CPNE5: variants seen among roughly 807,000 people sequenced by gnomAD.
CPNE5 encodes copine 5.
Under a neutral mutation model 81.1 loss-of-function variants are expected in CPNE5, and 42 were observed. The ratio of observed to expected loss-of-function variants is 0.52; its 90% CI spans 0.40 to 0.67. The LOEUF is 0.67. CPNE5 is among the 30% of genes least tolerant of loss of function. The pLI, the probability that CPNE5 is intolerant of heterozygous loss-of-function variation, is 0.00. For missense variants in CPNE5, 612 were observed against 815.5 expected (o/e 0.75, Z 3.04); for synonymous variants, 313 against 321.5 (o/e 0.97, Z 0.28).
chr6:36,744,739 T>TG (rs937654893), intron 18 of CPNE5, among the ~76,000 whole-genome samples: 10 of 152,236 alleles, frequency 6.6e-5, no homozygotes, highest in African/African-American at 2.4e-4. Flanking sequence ...AGGGAGTCAT[T>TG]GGGGTCTGGA....
intron 3 of CPNE5, among the ~76,000 whole-genome samples, chr6:36,808,713 A>G (rs1183654649): frequency 4.6e-5 from 7 of 152,212 alleles, no homozygotes; most frequent in Non-Finnish European, 8.8e-5. Context: ...GCTGGTCTCC[A>G]ATACTGATAG....
chr6:36,807,365 T>C (rs778157528), intron 3 of CPNE5, among the ~76,000 whole-genome samples: 3 of 152,248 alleles, frequency 2.0e-5, no homozygotes, highest in South Asian at 2.1e-4. Context: ...AAAATGGGAA[T>C]GGCAATTTAT....
intron 1 of CPNE5, among the ~76,000 whole-genome samples, chr6:36,836,407 G>T (rs1773506963): frequency 6.6e-6 from 1 of 152,122 alleles, no homozygotes; most frequent in Admixed American, 6.5e-5. Context: ...GCCCCTTCAT[G>T]AGGAGGAAGG....
chr6:36,753,062 A>C lies in CPNE5; in HGVS notation c.943T>G (p.Cys315Gly), dbSNP rs749739824. Residue 315 changes from cysteine (C) to glycine (G), a missense_variant, in exon 14 of 21, where the codon TGC (cysteine) becomes GGC (glycine). Cys to Gly is a radical substitution (Grantham distance 159). Transcript: ENST00000244751. ...TLLSFAVESE[C>G]TFLDYIKGGT... ...CCTTTGATGTAGTCAAGGAAGGTGCACTCTGACTCCACAGCAAAGGAAAGC... is the reference window on the plus strand; with the variant it reads ...CCTTTGATGTAGTCAAGGAAGGTGCCCTCTGACTCCACAGCAAAGGAAAGC... The C allele has an allele frequency of 1.2e-6, 2 of 1,613,242 alleles. No homozygotes were observed.
At chr6:36,810,800 G>A (rs1421980941) in intron 3 of CPNE5, among the ~76,000 whole-genome samples, 1 of 152,178 alleles carries the variant, frequency 6.6e-6, no homozygotes, top group East Asian at 1.9e-4. Flanking sequence ...GGCACCTTTC[G>A]TTTCGTAGGC....
chr6:36,776,562 G>A (rs1767523218), intron 9 of CPNE5, among the ~76,000 whole-genome samples: 1 of 152,134 alleles, frequency 6.6e-6, no homozygotes, highest in South Asian at 2.1e-4. Context: ...AAGGAGTAGG[G>A]AATGGGTGGT....
At chr6:36,838,734 T>C in intron 1 of CPNE5, 1 of 980,434 alleles carries the variant, frequency 1.0e-6, no homozygotes, top group Non-Finnish European at 1.2e-6. Context: ...TTTCCAGGAG[T>C]CGATTTCGTT....
At chr6:36,765,294 T>A in intron 11 of CPNE5, 41 bp downstream of exon 11, 2 of 1,605,248 alleles carry the variant, frequency 1.2e-6, no homozygotes, top group South Asian at 1.1e-5. Flanking sequence ...GCTGTCCCCA[T>A]CCCCACTCAC....
intron 1 of CPNE5, chr6:36,827,492 C>T: frequency 1.0e-6 from 1 of 985,414 alleles, no homozygotes; most frequent in Non-Finnish European, 1.2e-6. Context: ...CAAGTGGCCG[C>T]CAGAGATCCC....
rs776656041 is a variant in CPNE5 at position 36,742,373 on chromosome 6, C to T, written c.1677G>A (p.Lys559=). ...GGGGACGCGGGCGAATGCCCTGTGC[C>T]TTCATGTAGGACACCAGTTGGTCAG... The part of the protein sequence containing the change: ...EIPDQLVSYM[K]AQGIRPRPPP... The change falls in exon 21 of 21, where the codon AAG becomes AAA. Residue 559 remains lysine (K), a synonymous_variant. Transcript: ENST00000244751. 2 of 1,613,670 alleles carry T rather than the reference C, an allele frequency of 1.2e-6. No individual in the cohort carries two copies. The highest frequency in any genetic ancestry group is 4.5e-5 in the East Asian group (2 of 44,880).
At chr6:36,778,601 C>T (rs1192186926) in intron 9 of CPNE5, among the ~76,000 whole-genome samples, 2 of 152,158 alleles carry the variant, frequency 1.3e-5, no homozygotes, top group African/African-American at 4.8e-5. Context: ...TAGCTCCCAC[C>T]ACTCAGTACT....
At chr6:36,818,085 C>G (rs975944585) in intron 3 of CPNE5, among the ~76,000 whole-genome samples, 21 of 152,140 alleles carry the variant, frequency 1.4e-4, no homozygotes, top group African/African-American at 5.1e-4. Flanking sequence ...GCCAGTCCTG[C>G]CCCCGTCTGT....
intron 12 of CPNE5, among the ~76,000 whole-genome samples, chr6:36,761,548 C>T (rs1766027876): frequency 6.6e-6 from 1 of 152,198 alleles, no homozygotes; most frequent in South Asian, 2.1e-4. Flanking sequence ...TCAAGGCCAG[C>T]TCTTCAACTT....
chr6:36,765,716 G>T (rs919002798), intron 10 of CPNE5, among the ~76,000 whole-genome samples: 1 of 152,220 alleles, frequency 6.6e-6, no homozygotes, highest in Non-Finnish European at 1.5e-5. Flanking sequence ...GATTTACCAG[G>T]GGTGGAGGAG....
chr6:36,757,502 C>T (rs930102363), intron 12 of CPNE5: 15 of 357,288 alleles, frequency 4.2e-5, no homozygotes, highest in Non-Finnish European at 5.1e-5. Context: ...AACCAGGTTT[C>T]CTGCCCCCGG....
intron 4 of CPNE5, among the ~76,000 whole-genome samples, chr6:36,799,065 C>T (rs747893875): frequency 5.3e-5 from 8 of 152,170 alleles, no homozygotes; most frequent in Non-Finnish European, 1.0e-4. Flanking sequence ...CCTCCCCTCA[C>T]CTGGGGCCTG....
rs149253809 is a variant in CPNE5 at position 36,784,503 on chromosome 6, T to C, written c.529-5546A>G. Among the ~76,000 whole-genome samples, 6 of 152,282 alleles carry C rather than the reference T, an allele frequency of 3.9e-5. No individual in the cohort carries two copies. The East Asian group carries it at 1.2e-3, about 29-fold the overall frequency. On this transcript the variant is annotated intron_variant, in intron 8 of 20. Transcript: ENST00000244751. ...GAATGGTTCAACCCCTTGATATATG[T>C]GTGAACCCAAGAAGAGGCTGGAGAA...
intron 10 of CPNE5, 72 bp downstream of exon 10, chr6:36,774,889 G>T: frequency 8.5e-7 from 1 of 1,177,204 alleles, no homozygotes; most frequent in Non-Finnish European, 1.3e-6. Context: ...ATATGAATGG[G>T]GCCACCCTCA....
intron 12 of CPNE5, among the ~76,000 whole-genome samples, chr6:36,758,802 G>T (rs1765739683): frequency 6.6e-6 from 1 of 152,178 alleles, no homozygotes; most frequent in African/African-American, 2.4e-5. Flanking sequence ...CACGTGGGAG[G>T]TCTGGCAAGC....
Sources: allele counts gnomAD v4.1 joint callset (sites outside exome capture counted in the v4.1 genomes callset), GRCh38; gene constraint gnomAD v4.1.1; transcripts MANE v1.5; gene names NCBI Gene and HGNC (gene_info 2026-07-23, HGNC 2026-07-21).